FRMPD4: variants seen among roughly 807,000 people sequenced by gnomAD.
The protein encoded by FRMPD4 is FERM and PDZ domain containing 4.
Under a neutral mutation model 94.1 loss-of-function variants are expected in FRMPD4, and 22 were observed. The ratio of observed to expected loss-of-function variants is 0.23; its 90% CI spans 0.17 to 0.33. The LOEUF (loss-of-function observed/expected upper bound fraction) is 0.33, where lower values mean the gene tolerates loss of function less well. FRMPD4 is among the 10% of genes least tolerant of loss of function. The pLI is 1.00. For synonymous variants in FRMPD4, 631 were observed against 548.6 expected (o/e 1.15, Z -2.10); for missense variants, 1,111 against 1,339.9 (o/e 0.83, Z 2.67).
intron 1 of FRMPD4, among the ~76,000 whole-genome samples, chrX:12,300,390 A>T (rs1004668470): frequency 8.9e-6 from 1 of 111,777 alleles, no homozygotes; most frequent in African/African-American, 3.3e-5. Flanking sequence ...CAGGATGGAA[A>T]GGGGACAGGG....
At chrX:12,375,015 T>C (rs2056216236) in intron 1 of FRMPD4, 1 of 112,500 alleles carries the variant, frequency 8.9e-6, no homozygotes, top group Non-Finnish European at 1.9e-5. Flanking sequence ...GTTTCATTGG[T>C]CTTAGAATCA....
intron 1 of FRMPD4, among the ~76,000 whole-genome samples, chrX:12,290,431 T>C (rs779462528): frequency 1.8e-5 from 2 of 112,387 alleles, no homozygotes; most frequent in Non-Finnish European, 3.8e-5. Flanking sequence ...CTCTGTCACT[T>C]GGGATTTAAA....
intron 3 of FRMPD4, among the ~76,000 whole-genome samples, chrX:12,039,967 C>CA (rs367795862): frequency 0.18 from 5,600 of 31,762 alleles, 254 homozygotes; most frequent in East Asian, 0.38. Context: ...AAAACTTTGT[C>CA]AAAAAAAAAA....
intron 3 of FRMPD4, among the ~76,000 whole-genome samples, chrX:11,892,316 G>T (rs1281696081): frequency 8.9e-6 from 1 of 112,024 alleles, no homozygotes; most frequent in Non-Finnish European, 1.9e-5. Flanking sequence ...GAGTAAACTG[G>T]CTTGAAACCC....
At chrX:12,296,063 T>G (rs758221075) in intron 1 of FRMPD4, among the ~76,000 whole-genome samples, 1 of 110,862 alleles carries the variant, frequency 9.0e-6, no homozygotes, top group Non-Finnish European at 1.9e-5. Context: ...CTCTATCCAC[T>G]AGATGCCTGT....
At position 12,723,131 on chromosome X, in the gene FRMPD4, A is replaced by G. The variant is rs896642982; in HGVS notation, c.*1273A>G. 8.0e-5 allele frequency: 9 copies of G among 111,876 alleles called. No homozygotes were observed. Among genetic ancestry groups the G allele is most frequent in the African/African-American group, 2.9e-4 (9 of 30,780 alleles). 9.2% of individuals were successfully genotyped at this position (111,876 alleles called of 1,213,427 possible). On this transcript the variant is annotated 3_prime_UTR_variant, in exon 17 of 17. Coordinates refer to ENST00000675598, the MANE Select transcript of FRMPD4 (RefSeq NM_001368397.1). ...TAAAAATATGAAATCTGAAAAAAAA[A>G]AGAAAGAAATGGAAGTGGTATATTT...
At chrX:12,130,811 A>C (rs1190988225) in intron 3 of FRMPD4, among the ~76,000 whole-genome samples, 1 of 111,642 alleles carries the variant, frequency 9.0e-6, no homozygotes, top group African/African-American at 3.3e-5. Flanking sequence ...TATGTCAGAA[A>C]GACAGCATAA....
chrX:11,962,404 T>C (rs2054288539), intron 3 of FRMPD4, among the ~76,000 whole-genome samples: 1 of 111,917 alleles, frequency 8.9e-6, no homozygotes, highest in South Asian at 3.7e-4. Flanking sequence ...ATCCCATTCA[T>C]GAGGGTAGAG....
chrX:12,095,658 G>C (rs1001533383), intron 3 of FRMPD4, among the ~76,000 whole-genome samples: 2 of 111,242 alleles, frequency 1.8e-5, no homozygotes, highest in African/African-American at 6.5e-5. Context: ...TTTTGCATTG[G>C]TGAGCTCACT....
intron 3 of FRMPD4, among the ~76,000 whole-genome samples, chrX:11,887,394 G>A (rs1317849392): frequency 3.6e-5 from 4 of 111,306 alleles, no homozygotes; most frequent in Non-Finnish European, 7.5e-5. Flanking sequence ...CACATACCTC[G>A]CTCCACATGT....
At chrX:12,179,744 A>G (rs755220772) in intron 1 of FRMPD4, among the ~76,000 whole-genome samples, 3 of 111,880 alleles carry the variant, frequency 2.7e-5, no homozygotes, top group Admixed American at 9.5e-5. Flanking sequence ...AGTCTTAACC[A>G]CAAAGTTTAG....
intron 1 of FRMPD4, among the ~76,000 whole-genome samples, chrX:12,444,339 CAATAGAG>C (rs2057171600): frequency 9.0e-6 from 1 of 111,393 alleles, no homozygotes; most frequent in Non-Finnish European, 1.9e-5. Flanking sequence ...TTTATGTTGA[CAATAGAG>C]AATAAAGGGG....
At chrX:12,677,663 T>A (rs2147092445) in intron 5 of FRMPD4, among the ~76,000 whole-genome samples, 1 of 111,652 alleles carries the variant, frequency 9.0e-6, no homozygotes, top group Admixed American at 9.6e-5. Flanking sequence ...ACAGCATTTT[T>A]AATGTTGTAT....
chrX:12,319,755 G>T (rs2055179973), intron 1 of FRMPD4, among the ~76,000 whole-genome samples: 1 of 112,003 alleles, frequency 8.9e-6, no homozygotes. Context: ...TCCAGACTTA[G>T]ATGAATGTAA....
At chrX:12,097,085 G>A (rs2055212721) in intron 3 of FRMPD4, among the ~76,000 whole-genome samples, 1 of 112,025 alleles carries the variant, frequency 8.9e-6, no homozygotes, top group Non-Finnish European at 1.9e-5. Flanking sequence ...TACTGAAATG[G>A]AGGATTATCC....
At chrX:12,530,256 G>A (rs2058270920) in intron 2 of FRMPD4, among the ~76,000 whole-genome samples, 1 of 112,054 alleles carries the variant, frequency 8.9e-6, no homozygotes, top group Non-Finnish European at 1.9e-5. Flanking sequence ...ACACATGCTA[G>A]GAATGATGGA....
At chrX:12,325,061 A>C (rs141831092) in intron 1 of FRMPD4, among the ~76,000 whole-genome samples, 4 of 112,597 alleles carry the variant, frequency 3.6e-5, no homozygotes, top group Non-Finnish European at 7.5e-5. Flanking sequence ...TGTGCCAAAG[A>C]GGAAAGTATT....
chrX:12,214,552 G>GTAAGAAA (rs2056785669), intron 1 of FRMPD4, among the ~76,000 whole-genome samples: 1 of 112,480 alleles, frequency 8.9e-6, no homozygotes, highest in Non-Finnish European at 1.9e-5. Context: ...AGACCTCAAG[G>GTAAGAAA]CAAAGAGAAA....
chrX:11,839,088 T>C (rs5979477), intron 1 of FRMPD4, among the ~76,000 whole-genome samples: 5,468 of 111,693 alleles, frequency 0.049, 143 homozygotes, highest in African/African-American at 0.099. Flanking sequence ...TGTATCATTT[T>C]ACATCCCCAT....
Sources: allele counts gnomAD v4.1 joint callset (sites outside exome capture counted in the v4.1 genomes callset), GRCh38; gene constraint gnomAD v4.1.1; transcripts MANE v1.5; gene names NCBI Gene and HGNC (gene_info 2026-07-23, HGNC 2026-07-21).